Variants in STK39 observed in about 807,000 individuals in gnomAD.
The protein encoded by STK39 is STE20/SPS1-related proline-alanine-rich protein kinase.
In STK39, 20 loss-of-function variants were observed where a neutral mutation model predicts 77.8. That is an observed-to-expected ratio of 0.26 (90% CI 0.18 to 0.37). STK39 has a LOEUF of 0.37. Among genes scored for constraint, STK39 ranks in the 10% least tolerant of loss-of-function variants. STK39 has a pLI of 1.00. For synonymous variants in STK39, 246 were observed against 234.1 expected, an observed-to-expected ratio of 1.05 and a Z score of -0.47; for missense variants, 479 against 656.5, an observed-to-expected ratio of 0.73 and a Z score of 2.95.
intron 10 of STK39, among the ~76,000 whole-genome samples, chr2:168,123,438 A>T (rs1687458889): frequency 6.6e-6 from 1 of 152,238 alleles, no homozygotes; most frequent in African/African-American, 2.4e-5. Flanking sequence ...ACAGTGAAGT[A>T]TATTTAGAGG....
intron 1 of STK39, among the ~76,000 whole-genome samples, chr2:168,246,335 GA>G (rs1690897632): frequency 6.6e-6 from 1 of 152,174 alleles, no homozygotes; most frequent in South Asian, 2.1e-4. Context: ...TTGGCCCAAG[GA>G]AAAGTAACGC....
At chr2:168,203,055 G>C (rs146981037) in intron 1 of STK39, among the ~76,000 whole-genome samples, 1 of 152,106 alleles carries the variant, frequency 6.6e-6, no homozygotes, top group African/African-American at 2.4e-5. Flanking sequence ...ATAATTCTTC[G>C]TTGTGAGGTA....
intron 14 of STK39, among the ~76,000 whole-genome samples, chr2:168,058,334 C>G (rs1417212423): frequency 6.6e-6 from 1 of 152,136 alleles, no homozygotes; most frequent in Non-Finnish European, 1.5e-5. Context: ...AGGAACATCA[C>G]TCTCTCCTCT....
At chr2:168,211,442 T>C (rs533345010) in intron 1 of STK39, among the ~76,000 whole-genome samples, 10 of 152,330 alleles carry the variant, frequency 6.6e-5, no homozygotes, top group African/African-American at 2.4e-4. Flanking sequence ...ATTTCTGTTC[T>C]AGAGTTTACC....
chr2:167,996,785 A>G (rs376370061), intron 16 of STK39, among the ~76,000 whole-genome samples: 14 of 152,244 alleles, frequency 9.2e-5, no homozygotes, highest in African/African-American at 3.4e-4. Context: ...AGAAAGAGGT[A>G]AGTGTTTGGC....
intron 10 of STK39, among the ~76,000 whole-genome samples, chr2:168,078,417 G>A (rs1432229716): frequency 6.6e-6 from 1 of 152,084 alleles, no homozygotes; most frequent in Non-Finnish European, 1.5e-5. Flanking sequence ...AGAGGAGATG[G>A]CAGCAATGTG....
intron 16 of STK39, among the ~76,000 whole-genome samples, chr2:167,980,872 CTTCAT>C (rs1683399987): frequency 6.8e-6 from 1 of 147,388 alleles, no homozygotes; most frequent in Non-Finnish European, 1.5e-5. Context: ...AAGGTTTTAT[CTTCAT>C]TTCTTCTTCT....
chr2:168,047,338 T>G (rs1685270299), intron 14 of STK39, among the ~76,000 whole-genome samples: 1 of 152,236 alleles, frequency 6.6e-6, no homozygotes, highest in African/African-American at 2.4e-5. Flanking sequence ...TACACATTCA[T>G]TTTAAGTGCT....
chr2:168,022,867 C>T (rs1169523818), intron 14 of STK39, among the ~76,000 whole-genome samples: 2 of 152,118 alleles, frequency 1.3e-5, no homozygotes, highest in Non-Finnish European at 2.9e-5. Flanking sequence ...AGAAACCTAA[C>T]GAAAAGAAAA....
chr2:168,077,737 C>T (rs997452624), intron 10 of STK39, among the ~76,000 whole-genome samples: 9 of 152,038 alleles, frequency 5.9e-5, no homozygotes, highest in African/African-American at 1.9e-4. Flanking sequence ...GTGACATTGA[C>T]GTCTACCAAA....
intron 14 of STK39, among the ~76,000 whole-genome samples, chr2:168,059,819 C>T (rs1054726210): frequency 2.6e-5 from 4 of 152,180 alleles, no homozygotes; most frequent in African/African-American, 9.7e-5. Flanking sequence ...CTATCCTCCT[C>T]ACATACCTTT....
rs765358308 is a variant in STK39 at position 168,247,273 on chromosome 2, C to T, written c.163G>A (p.Gly55Ser). 79 of 1,090,600 alleles carry T rather than the reference C, an allele frequency of 7.2e-5. 1 individual carries two copies. The East Asian group carries it at 2.9e-3, about 40-fold the overall frequency. The allele number at this position is 1,090,600 out of a possible 1,614,324, so 67.6% of individuals were successfully genotyped here. A position where few individuals can be genotyped will look rare whatever the true frequency, so the allele number is the denominator to read the frequency against. ...TACGCGTCCCTGCAGATGGGCCAGC[C>T]GACAGCCTGTGCCGCCGGGGCCGGG... is the stretch of plus-strand genomic sequence containing the variant. ...PAPAPAAQAV[G>S]WPICRDAYEL... Residue 55 changes from glycine to serine, a missense_variant, in exon 1 of 18, where the codon GGC becomes AGC. By Grantham distance (56) the Gly-to-Ser change is moderately conservative. This residue lies in a region of STK39 where 96 missense variants were observed against 79.1 expected (regional missense o/e 1.21). Coordinates refer to ENST00000355999, the MANE Select transcript of STK39 (RefSeq NM_013233.3).
intron 14 of STK39, among the ~76,000 whole-genome samples, chr2:168,032,489 A>G (rs536420260): frequency 6.6e-6 from 1 of 152,334 alleles, no homozygotes; most frequent in South Asian, 2.1e-4. Flanking sequence ...TTCCTTCATA[A>G]TGGTTTCTTC....
intron 1 of STK39, among the ~76,000 whole-genome samples, chr2:168,209,564 T>C (rs1056836046): frequency 6.6e-6 from 1 of 152,122 alleles, no homozygotes; most frequent in East Asian, 1.9e-4. Flanking sequence ...TAATCCCAGC[T>C]ACTTACTCGG....
At chr2:168,242,596 T>TATATATATATATATAA (rs1690796732) in intron 1 of STK39, among the ~76,000 whole-genome samples, 2 of 95,816 alleles carry the variant, frequency 2.1e-5, no homozygotes, top group African/African-American at 8.1e-5. Flanking sequence ...TATATATATA[T>TATATATATATATATAA]AAAGAGGCCA....
At chr2:168,052,290 A>G (rs144939630) in intron 14 of STK39, among the ~76,000 whole-genome samples, 1 of 152,254 alleles carries the variant, frequency 6.6e-6, no homozygotes, top group African/African-American at 2.4e-5. Flanking sequence ...GACTCTCCAC[A>G]CCTTCTATGA....
chr2:168,117,145 T>G (rs1323444198), intron 10 of STK39, among the ~76,000 whole-genome samples: 4 of 152,196 alleles, frequency 2.6e-5, no homozygotes, highest in Non-Finnish European at 5.9e-5. Flanking sequence ...GTGAATCAAG[T>G]TAATGGCTCA....
intron 1 of STK39, among the ~76,000 whole-genome samples, chr2:168,189,075 G>C (rs559817345): frequency 7.2e-5 from 11 of 152,234 alleles, no homozygotes; most frequent in African/African-American, 2.6e-4. Flanking sequence ...TGCTGGAAAA[G>C]ATTTAGAGCT....
At chr2:168,224,326 C>G (rs1277732004) in intron 1 of STK39, among the ~76,000 whole-genome samples, 2 of 152,016 alleles carry the variant, frequency 1.3e-5, no homozygotes, top group Admixed American at 1.3e-4. Context: ...TATAAAGACC[C>G]ATCAGCATTC....
Sources: allele counts gnomAD v4.1 joint callset (sites outside exome capture counted in the v4.1 genomes callset), GRCh38; gene constraint gnomAD v4.1.1; regional missense constraint gnomAD v4.1.1; transcripts MANE v1.5; gene names NCBI Gene and HGNC (gene_info 2026-07-23, HGNC 2026-07-21).